Variants in SPRY3 observed in about 807,000 individuals in gnomAD.
SPRY3 encodes the protein protein sprouty homolog 3.
A neutral mutation model predicts 20.2 loss-of-function variants in SPRY3; 15 were observed. The ratio of observed to expected loss-of-function variants is 0.74; its 90% CI spans 0.50 to 1.14. SPRY3 has a LOEUF of 1.14. Ranked by LOEUF, SPRY3 falls within the 50% of genes most tolerant of loss-of-function variation. The pLI is 0.00. For synonymous variants in SPRY3, 143 were observed against 136.5 expected, an observed-to-expected ratio of 1.05 and a Z score of -0.33; for missense variants, 364 against 363.9, an observed-to-expected ratio of 1.00 and a Z score of 0.00.
At chrX:155,751,954 A>AAAAT (rs1395789268) in intron 2 of SPRY3, among the ~76,000 whole-genome samples, 1 of 147,130 alleles carries the variant, frequency 6.8e-6, no homozygotes, top group Non-Finnish European at 1.5e-5. Flanking sequence ...AAAATAAAAT[A>AAAAT]AAATAAAATA....
At chrX:155,758,271 A>C (rs2091290994) in intron 2 of SPRY3, among the ~76,000 whole-genome samples, 2 of 152,168 alleles carry the variant, frequency 1.3e-5, no homozygotes. Context: ...TTTTATATTC[A>C]AACTTACTGT....
chrX:155,720,953 G>C (rs767977981), intron 2 of SPRY3, among the ~76,000 whole-genome samples: 1 of 152,044 alleles, frequency 6.6e-6, no homozygotes, highest in Admixed American at 6.6e-5. Flanking sequence ...AAGGCACTAG[G>C]GACCAATCCT....
intron 2 of SPRY3, among the ~76,000 whole-genome samples, chrX:155,671,913 C>A (rs1248790860): frequency 2.7e-5 from 3 of 111,402 alleles, no homozygotes; most frequent in African/African-American, 9.8e-5. Flanking sequence ...AATCCTTTCC[C>A]CATTGCTTGT....
chrX:155,709,160 A>G (rs957092636), intron 2 of SPRY3, among the ~76,000 whole-genome samples: 59 of 151,696 alleles, frequency 3.9e-4, no homozygotes, highest in African/African-American at 1.4e-3. Context: ...TGATATACTG[A>G]TTTCTTGTCT....
At chrX:155,777,801 G>A (rs1223910115), downstream of SPRY3, 1 of 166,088 alleles carries the variant, frequency 6.0e-6, no homozygotes, top group Non-Finnish European at 1.5e-5. Flanking sequence ...TTCCTGCTTA[G>A]CATTTTTTTG....
intron 2 of SPRY3, among the ~76,000 whole-genome samples, chrX:155,747,794 GA>G (rs1160461090): frequency 4.0e-5 from 6 of 151,858 alleles, no homozygotes; most frequent in African/African-American, 1.4e-4. Flanking sequence ...ACGTTATTGA[GA>G]CACTCTAGAG....
intron 2 of SPRY3, among the ~76,000 whole-genome samples, chrX:155,674,012 A>G (rs781985275): frequency 9.3e-4 from 105 of 112,335 alleles, no homozygotes; most frequent in Non-Finnish European, 1.8e-3. Context: ...AGAAAGAACC[A>G]CGGACTAATT....
chrX:155,615,762 C>A (rs2067849251), intron 1 of SPRY3, among the ~76,000 whole-genome samples: 1 of 111,608 alleles, frequency 9.0e-6, no homozygotes, highest in African/African-American at 3.3e-5. Flanking sequence ...GGTTTATGAA[C>A]ATTTCTGACT....
Position 155,692,597 on chromosome X carries a change from C to T in SPRY3, c.-282+35572C>T, listed in dbSNP as rs188542166. Among the ~76,000 whole-genome samples the T allele has an allele frequency of 5.4e-5, 6 of 111,474 alleles. No homozygotes were observed. In the East Asian group the frequency reaches 8.4e-4, roughly 16 times the overall value. ...AATCTGCTGAGGTTTTTATTGTTAT[C>T]GCATTAAATCTATATGTCACTTCGC... On this transcript the variant is annotated intron_variant, in intron 2 of 3. Coordinates refer to ENST00000675360, the Ensembl canonical transcript of SPRY3.
chrX:155,653,749 ATATGAATT>A (rs1166895097), intron 1 of SPRY3, among the ~76,000 whole-genome samples: 31 of 112,152 alleles, frequency 2.8e-4, no homozygotes, highest in African/African-American at 9.7e-4. Context: ...TTGCAATTCC[ATATGAATT>A]TTAGTATTGT....
chrX:155,766,312 A>C (rs998795832), intron 2 of SPRY3, among the ~76,000 whole-genome samples: 4 of 152,174 alleles, frequency 2.6e-5, no homozygotes, highest in Non-Finnish European at 4.4e-5. Context: ...TAAATGACAG[A>C]GTGTCAGAGG....
At chrX:155,727,582 G>T (rs1368962299) in intron 2 of SPRY3, among the ~76,000 whole-genome samples, 3 of 152,002 alleles carry the variant, frequency 2.0e-5, no homozygotes, top group South Asian at 2.1e-4. Context: ...TCTTCCACTT[G>T]ATCAAATCAG....
At chrX:155,736,569 T>C (rs2091171128) in intron 2 of SPRY3, among the ~76,000 whole-genome samples, 1 of 152,052 alleles carries the variant, frequency 6.6e-6, no homozygotes, top group Non-Finnish European at 1.5e-5. Context: ...CCCTTGTTCT[T>C]CTAACGATAA....
At chrX:155,774,760 G>A (rs1166380946) in exon 4 of SPRY3, 1 of 1,593,070 alleles carries the variant, frequency 6.3e-7, no homozygotes, top group South Asian at 1.1e-5. Context: ...GGTGGATCCA[G>A]AGCTTTTCTC....
intron 1 of SPRY3, among the ~76,000 whole-genome samples, chrX:155,642,177 G>T (rs2067944066): frequency 9.0e-6 from 1 of 111,094 alleles, no homozygotes; most frequent in South Asian, 3.8e-4. Context: ...AGTTGTTATT[G>T]GTCTGTTCAG....
intron 2 of SPRY3, among the ~76,000 whole-genome samples, chrX:155,704,194 C>T (rs1023651591): frequency 1.3e-5 from 2 of 151,696 alleles, no homozygotes; most frequent in African/African-American, 4.8e-5. Flanking sequence ...AGATACGACA[C>T]AAATTTGGAA....
Position 155,619,567 on chromosome X carries a change from G to A in SPRY3, c.-441+6920G>A, listed in dbSNP as rs145917088. ...CTTAGAATTAATCATAGACCTAAAC[G>A]TAAATGCTGAAATTGTTAAGCATAA... On this transcript the variant is annotated intron_variant, in intron 1 of 3. Transcript: ENST00000675360. Among the ~76,000 whole-genome samples the A allele has an allele frequency of 1.1e-3, 117 of 110,869 alleles. No homozygotes were observed. The East Asian group carries it at 0.014, about 13-fold the overall frequency.
chrX:155,637,046 AG>A (rs1557351103), intron 1 of SPRY3, among the ~76,000 whole-genome samples: 3 of 34,799 alleles, frequency 8.6e-5, no homozygotes, highest in Non-Finnish European at 1.4e-4. Context: ...GGGTGGGGGG[AG>A]GGGGGAGGGA....
At chrX:155,749,791 T>G (rs1159012582) in intron 2 of SPRY3, among the ~76,000 whole-genome samples, 1 of 151,910 alleles carries the variant, frequency 6.6e-6, no homozygotes, top group East Asian at 1.9e-4. Flanking sequence ...ATCAGTTAAT[T>G]TTTGTTGGAG....
Sources: gnomAD v4.1 joint callset for allele counts (sites outside exome capture counted in the v4.1 genomes callset) on GRCh38, gnomAD v4.1.1 for gene constraint, MANE v1.5 for transcripts, NCBI Gene and HGNC (gene_info 2026-07-23, HGNC 2026-07-21) for gene names.